Variants in LIPA observed in about 807,000 individuals in gnomAD.
The protein encoded by LIPA is lipase A, lysosomal acid type.
Under a neutral mutation model 40.6 loss-of-function variants are expected in LIPA, and 26 were observed. The observed-to-expected ratio is 0.64, with a 90% CI of 0.47 to 0.89. The LOEUF is 0.89. LIPA is among the 40% of genes least tolerant of loss of function. The probability of loss-of-function intolerance (pLI) is 0.00; values close to 1 mark genes in which losing one functional copy is unlikely to be tolerated. For missense variants in LIPA, 455 were observed against 479.6 expected, an observed-to-expected ratio of 0.95 and a Z score of 0.48; for synonymous variants, 188 against 168.4, an observed-to-expected ratio of 1.12 and a Z score of -0.90.
rs528956862 is a variant in LIPA, at chr10:89,334,559, G to A, written c.-2+8052C>T. On this transcript the variant is annotated intron_variant, in intron 1 of 5. Transcript: ENST00000282673. ...CGCCCAGGCTGGAGTGTAGTGGCCCGATCTTGGCTCACTGCAACCTCCGCC... is the reference window on the plus strand; with the variant it reads ...CGCCCAGGCTGGAGTGTAGTGGCCCAATCTTGGCTCACTGCAACCTCCGCC... Among the ~76,000 whole-genome samples the A allele has an allele frequency of 2.0e-4, 21 of 107,212 alleles. No individual in the cohort carries two copies. The Admixed American group carries it at 2.5e-3, about 13-fold the overall frequency. 70.3% of individuals were successfully genotyped at this position (107,212 alleles called of 152,430 possible).
chr10:89,338,901 G>A, intron 1 of LIPA: 3 of 1,614,164 alleles, frequency 1.9e-6, no homozygotes, highest in Non-Finnish European at 2.5e-6. Flanking sequence ...AGTTAATCCA[G>A]CAAGAACATG....
Position 89,260,280 on chromosome 10 carries a change from A to G in LIPA, c.-1-12631T>C, listed in dbSNP as rs921899133. Among the ~76,000 whole-genome samples the G allele has an allele frequency of 7.2e-5, 11 of 152,308 alleles. 1 individual carries two copies. Among genetic ancestry groups the G allele is most frequent in the Admixed American group, 6.5e-4 (10 of 15,304 alleles). On this transcript the variant is annotated intron_variant, in intron 1 of 5. Coordinates refer to the LIPA transcript ENST00000282673. Reference sequence around the variant, plus strand: ...AAGATCCAGCTCTTCTTCACTAACGAGAATTTAACCCATTTTCATTCAGCA... The same window carrying G: ...AAGATCCAGCTCTTCTTCACTAACGGGAATTTAACCCATTTTCATTCAGCA...
At position 89,391,463 on chromosome 10, in the gene LIPA, G is replaced by A. The variant is rs188169457; in HGVS notation, c.61+21328C>T. On this transcript the variant is annotated intron_variant, in intron 2 of 8. Coordinates refer to the LIPA transcript ENST00000371837. ...ATTCCTGGGCTCAAGTGATCCTCCC[G>A]CCTTGCCTTCCAAAATACTGGGACT... Among the ~76,000 whole-genome samples the A allele has an allele frequency of 3.3e-3, 508 of 151,862 alleles. 7 individuals are homozygous for A. The highest frequency in any genetic ancestry group is 0.011 in the African/African-American group (443 of 41,372).
At chr10:89,235,878 G>A (rs1317562256) in intron 3 of LIPA, among the ~76,000 whole-genome samples, 1 of 152,146 alleles carries the variant, frequency 6.6e-6, no homozygotes, top group Non-Finnish European at 1.5e-5. Context: ...TAGTAAAGCT[G>A]AATAAATAAT....
At chr10:89,330,390 C>T (rs1843637774) in intron 1 of LIPA, among the ~76,000 whole-genome samples, 1 of 152,232 alleles carries the variant, frequency 6.6e-6, no homozygotes, top group Admixed American at 6.5e-5. Context: ...TACTGCTGAT[C>T]ATCTGACTCT....
At chr10:89,343,563 A>G (rs1302085621), upstream of LIPA, among the ~76,000 whole-genome samples, 1 of 152,148 alleles carries the variant, frequency 6.6e-6, no homozygotes, top group Non-Finnish European at 1.5e-5. Flanking sequence ...GGTCAAAGAG[A>G]TCTTTCTTCG....
At chr10:89,322,422 C>T (rs1843576887) in intron 1 of LIPA, among the ~76,000 whole-genome samples, 1 of 151,854 alleles carries the variant, frequency 6.6e-6, no homozygotes, top group African/African-American at 2.4e-5. Context: ...TAGATACCAG[C>T]CTGTCCGGGC....
At chr10:89,383,468 T>C in intron 2 of LIPA, 1 of 1,614,172 alleles carries the variant, frequency 6.2e-7, no homozygotes, top group Non-Finnish European at 8.5e-7. Flanking sequence ...AAATACAATG[T>C]GGGAATACAC....
At chr10:89,377,704 G>A (rs531829333) in intron 2 of LIPA, among the ~76,000 whole-genome samples, 7 of 152,222 alleles carry the variant, frequency 4.6e-5, no homozygotes, top group South Asian at 2.1e-4. Context: ...ACCACCTGGC[G>A]GGATACATGT....
intron 1 of LIPA, chr10:89,293,454 T>C (rs989303110): frequency 6.6e-6 from 1 of 152,212 alleles, no homozygotes; most frequent in Non-Finnish European, 1.5e-5. Flanking sequence ...CTCTTTTTTT[T>C]CCCCATGGAC....
intron 1 of LIPA, among the ~76,000 whole-genome samples, chr10:89,275,124 T>C (rs1370450245): frequency 6.6e-6 from 1 of 152,214 alleles, no homozygotes; most frequent in Non-Finnish European, 1.5e-5. Flanking sequence ...TCAGTCAGGA[T>C]GAGTCAGTAG....
intron 1 of LIPA, among the ~76,000 whole-genome samples, chr10:89,335,177 G>A (rs528725618): frequency 6.6e-6 from 1 of 152,248 alleles, no homozygotes; most frequent in African/African-American, 2.4e-5. Flanking sequence ...AGAGAATCAA[G>A]GGACCCAATT....
At chr10:89,226,670 T>A (rs1199590716) in intron 5 of LIPA, among the ~76,000 whole-genome samples, 1 of 152,258 alleles carries the variant, frequency 6.6e-6, no homozygotes, top group Admixed American at 6.5e-5. Flanking sequence ...GGAAAACATG[T>A]AATATATTGT....
intron 2 of LIPA, among the ~76,000 whole-genome samples, chr10:89,380,051 A>AC (rs1363350551): frequency 4.6e-5 from 7 of 151,570 alleles, no homozygotes; most frequent in African/African-American, 1.5e-4. Flanking sequence ...AAAAAAAAAC[A>AC]AAAGGTATTA....
At chr10:89,373,059 C>T (rs546092090) in intron 2 of LIPA, among the ~76,000 whole-genome samples, 5 of 152,208 alleles carry the variant, frequency 3.3e-5, no homozygotes, top group Admixed American at 1.3e-4. Flanking sequence ...TGGGGCCGGA[C>T]GCGGTGGCTC....
At chr10:89,342,250 C>T (rs117007968) in intron 1 of LIPA, among the ~76,000 whole-genome samples, 2,141 of 152,232 alleles carry the variant, frequency 0.014, 19 homozygotes, top group Middle Eastern at 0.044. Context: ...CTCAAGAATA[C>T]CACAGATGAT....
chr10:89,409,343 G>A (rs1040822607), intron 2 of LIPA, among the ~76,000 whole-genome samples: 26 of 152,170 alleles, frequency 1.7e-4, no homozygotes, highest in African/African-American at 5.6e-4. Flanking sequence ...AAACCTTGGT[G>A]GTTCAGAGAG....
chr10:89,367,976 G>A (rs1589623670), intron 2 of LIPA, among the ~76,000 whole-genome samples: 2 of 152,216 alleles, frequency 1.3e-5, no homozygotes, highest in South Asian at 2.1e-4. Context: ...GCACCACTAT[G>A]CCTGGCTGAT....
At chr10:89,400,091 T>A (rs1326647970) in intron 2 of LIPA, among the ~76,000 whole-genome samples, 1 of 152,232 alleles carries the variant, frequency 6.6e-6, no homozygotes, top group East Asian at 1.9e-4. Flanking sequence ...GTCAGATAAG[T>A]AAGGGTTTTT....
Sources: allele counts gnomAD v4.1 joint callset (sites outside exome capture counted in the v4.1 genomes callset), GRCh38; gene constraint gnomAD v4.1.1; transcripts MANE v1.5; gene names NCBI Gene and HGNC (gene_info 2026-07-23, HGNC 2026-07-21).